ADAMTSL1: variants seen among roughly 807,000 people sequenced by gnomAD.
ADAMTSL1 encodes the protein ADAMTS-like protein 1.
Under a neutral mutation model 201.8 loss-of-function variants are expected in ADAMTSL1, and 126 were observed. The observed-to-expected ratio is 0.62, with a 90% CI of 0.54 to 0.72. ADAMTSL1 has a LOEUF of 0.72. Ranked by LOEUF, ADAMTSL1 falls within the 30% of genes least tolerant of loss-of-function variation. ADAMTSL1 has a pLI of 0.00. For missense variants in ADAMTSL1, 2,679 were observed against 2,277.8 expected, an observed-to-expected ratio of 1.18 and a Z score of -3.59; for synonymous variants, 1,121 against 903.4, an observed-to-expected ratio of 1.24 and a Z score of -4.32.
intron 17 of ADAMTSL1, among the ~76,000 whole-genome samples, chr9:18,774,705 A>T (rs2133740539): frequency 6.6e-6 from 1 of 152,330 alleles, no homozygotes; most frequent in Non-Finnish European, 1.5e-5. Context: ...GTTGTAGCAC[A>T]TATAAGAACT....
Position 18,893,082 on chromosome 9 carries a change from C to A in ADAMTSL1, c.4851+486C>A, listed in dbSNP as rs113873910. 7.1e-3 allele frequency among the ~76,000 whole-genome samples: 1,078 copies of A among 151,846 alleles called. 10 individuals carry two copies. The highest frequency in any genetic ancestry group is 0.025 in the African/African-American group (1,030 of 41,372). On this transcript the variant is annotated intron_variant, in intron 26 of 28. Coordinates refer to ENST00000380548, the MANE Select transcript of ADAMTSL1 (RefSeq NM_001040272.6). ...CAATCAACATACCTAGCTGGAGACT[C>A]CTTTCTGGAGCTTCTACTAACCCCT...
intron 2 of ADAMTSL1, among the ~76,000 whole-genome samples, chr9:18,435,466 A>C (rs1357549950): frequency 6.6e-6 from 1 of 152,286 alleles, no homozygotes; most frequent in Admixed American, 6.5e-5. Context: ...TGCAACACTG[A>C]TCTGTGTTAT....
intron 2 of ADAMTSL1, among the ~76,000 whole-genome samples, chr9:18,180,924 G>C (rs531848652): frequency 6.6e-6 from 1 of 152,258 alleles, no homozygotes; most frequent in South Asian, 2.1e-4. Flanking sequence ...CATGGTACTG[G>C]TACCAAAACA....
chr9:18,728,077 C>A (rs1398653455), intron 15 of ADAMTSL1, among the ~76,000 whole-genome samples: 2 of 135,698 alleles, frequency 1.5e-5, no homozygotes, highest in South Asian at 5.0e-4. Flanking sequence ...GAGACTCTGT[C>A]TCAAAAATAA....
At chr9:18,274,416 G>C (rs1007251223) in intron 2 of ADAMTSL1, among the ~76,000 whole-genome samples, 1 of 151,948 alleles carries the variant, frequency 6.6e-6, no homozygotes, top group East Asian at 1.9e-4. Flanking sequence ...AAATAAGCAA[G>C]TTTTTCATCT....
chr9:18,539,622 G>A (rs1820005557), intron 3 of ADAMTSL1, among the ~76,000 whole-genome samples: 1 of 152,172 alleles, frequency 6.6e-6, no homozygotes, highest in African/African-American at 2.4e-5. Context: ...TCTTCGTAAA[G>A]CTGGGTTTGC....
At chr9:18,498,621 G>T (rs181493622) in intron 1 of ADAMTSL1, among the ~76,000 whole-genome samples, 153 of 152,112 alleles carry the variant, frequency 1.0e-3, no homozygotes, top group Non-Finnish European at 1.9e-3. Flanking sequence ...GAGCCACCGC[G>T]CCCGGCCAAT....
chr9:18,657,344 G>A (rs1296510668), intron 7 of ADAMTSL1, among the ~76,000 whole-genome samples: 1 of 152,164 alleles, frequency 6.6e-6, no homozygotes, highest in Non-Finnish European at 1.5e-5. Flanking sequence ...AATAAAGGAC[G>A]GAAAGGGAAT....
chr9:18,759,365 C>A (rs1410467578), intron 16 of ADAMTSL1, among the ~76,000 whole-genome samples: 1 of 152,146 alleles, frequency 6.6e-6, no homozygotes, highest in Non-Finnish European at 1.5e-5. Flanking sequence ...TTTTCATTTT[C>A]TAGATTTAAA....
At chr9:18,704,407 G>A (rs1382049962) in intron 13 of ADAMTSL1, among the ~76,000 whole-genome samples, 2 of 152,206 alleles carry the variant, frequency 1.3e-5, no homozygotes, top group Non-Finnish European at 2.9e-5. Flanking sequence ...CTGGTAGGGT[G>A]CAGTTCTTTT....
Position 18,829,978 on chromosome 9 carries a change from G to T in ADAMTSL1, c.4249+1G>T, listed in dbSNP as rs1316473534. ...GATCCTGGGAATTCTGCTCTCCTTG[G>T]TGAGTCTAACCCTCGGAAACATTGG... On this transcript the variant is annotated splice_donor_variant, in intron 23 of 28. Coordinates refer to ENST00000380548, the MANE Select transcript of ADAMTSL1 (RefSeq NM_001040272.6). LOFTEE classifies it high-confidence loss of function. 1.2e-6 allele frequency: 2 copies of T among 1,607,360 alleles called. No individual in the cohort carries two copies. Among genetic ancestry groups the T allele is most frequent in the Non-Finnish European group, 1.7e-6 (2 of 1,177,028 alleles).
intron 3 of ADAMTSL1, among the ~76,000 whole-genome samples, chr9:18,547,583 C>G (rs1291619536): frequency 1.3e-4 from 18 of 136,408 alleles, no homozygotes; most frequent in Non-Finnish European, 2.6e-4. Context: ...AACTTGATGT[C>G]AGGAGTTTCG....
rs145517152 is a variant in ADAMTSL1, at chr9:17,918,594, G to T, written c.87+11672G>T. On this transcript the variant is annotated intron_variant, in intron 1 of 29. Transcript: ENST00000680146. The stretch of plus-strand genomic sequence containing the variant: ...TAACTGTTCTGTGTACACTTGAAAA[G>T]AATTAAACTTTCTACAAATTTGTGC... 4.6e-5 allele frequency among the ~76,000 whole-genome samples: 7 copies of T among 151,856 alleles called. No individual in the cohort carries two copies. In the East Asian group the frequency reaches 1.4e-3, roughly 29 times the overall value.
rs756960892 is a variant in ADAMTSL1, at chr9:18,508,884, CTT to C, written c.191+3929_191+3930del. Among the ~76,000 whole-genome samples, 148 of 151,958 alleles carry C rather than the reference CTT, an allele frequency of 9.7e-4. 2 individuals are homozygous for C. Among genetic ancestry groups the C allele is most frequent in the Non-Finnish European group, 1.5e-3 (105 of 67,946 alleles). ...GCTGGATTTAGAATGTATTTTGACT[CTT>C]ATAATTTAGAAATAGAGGCCGGGCG... On this transcript the variant is annotated intron_variant, in intron 2 of 28. Coordinates refer to ENST00000380548, the MANE Select transcript of ADAMTSL1 (RefSeq NM_001040272.6).
chr9:18,775,887 A>C lies in ADAMTSL1; in HGVS notation c.2542A>C (p.Thr848Pro). ...SSSIRPCMLA[T>P]CARPGRPSTK... ...CTCCATCAGGCCCTGTATGCTGGCA[A>C]CCTGTGCAAGTAAGTATGTCAGGGC... The change falls in exon 18 of 29, where the codon ACC becomes CCC. Residue 848 changes from threonine to proline, a missense_variant. Coordinates refer to ENST00000380548, the MANE Select transcript of ADAMTSL1 (RefSeq NM_001040272.6). The C allele has an allele frequency of 4.4e-6, 7 of 1,594,064 alleles. No individual in the cohort carries two copies. The highest frequency in any genetic ancestry group is 6.0e-6 in the Non-Finnish European group (7 of 1,169,498).
At chr9:18,083,512 C>A (rs1187723387) in intron 1 of ADAMTSL1, among the ~76,000 whole-genome samples, 5 of 152,162 alleles carry the variant, frequency 3.3e-5, no homozygotes, top group African/African-American at 1.2e-4. Flanking sequence ...TGATATTTAG[C>A]CTTTGGCTTG....
intron 20 of ADAMTSL1, among the ~76,000 whole-genome samples, chr9:18,798,558 C>G (rs1324161107): frequency 6.6e-6 from 1 of 152,168 alleles, no homozygotes; most frequent in Non-Finnish European, 1.5e-5. Context: ...TTTTCAGGGA[C>G]CAGGATGCTC....
intron 1 of ADAMTSL1, among the ~76,000 whole-genome samples, chr9:18,030,563 GA>G (rs146533820): frequency 3.3e-5 from 5 of 150,916 alleles, no homozygotes; most frequent in African/African-American, 7.3e-5. Flanking sequence ...TTAATAAAAA[GA>G]AAAAAAAATA....
chr9:18,507,386 C>T (rs956169824), intron 2 of ADAMTSL1, among the ~76,000 whole-genome samples: 1 of 152,172 alleles, frequency 6.6e-6, no homozygotes, highest in African/African-American at 2.4e-5. Context: ...AAATCTGCAT[C>T]TCCAAGGACA....
Sources: gnomAD v4.1 joint callset for allele counts (sites outside exome capture counted in the v4.1 genomes callset) on GRCh38, gnomAD v4.1.1 for gene constraint, MANE v1.5 for transcripts, NCBI Gene and HGNC (gene_info 2026-07-23, HGNC 2026-07-21) for gene names.